The following LIN28B variants were observed in gnomAD, a reference collection of about 807,000 sequenced individuals.
LIN28B encodes lin-28 RNA binding posttranscriptional regulator B, also known as protein lin-28 homolog B.
LIN28B carries 5 observed loss-of-function variants against 21.9 expected under a neutral mutation model. The observed-to-expected ratio is 0.23, with a 90% CI of 0.12 to 0.48. LIN28B has a LOEUF of 0.48. Among genes scored for constraint, LIN28B ranks in the 20% least tolerant of loss-of-function variants. The pLI, the probability that LIN28B is intolerant of heterozygous loss-of-function variation, is 0.98. For missense variants in LIN28B, 245 were observed against 310.5 expected, an observed-to-expected ratio of 0.79 and a Z score of 1.58; for synonymous variants, 109 against 111.3, an observed-to-expected ratio of 0.98 and a Z score of 0.13.
chr6:104,941,212 A>C (rs1421503510), intron 2 of LIN28B: 2 of 152,232 alleles, frequency 1.3e-5, no homozygotes, highest in Non-Finnish European at 2.9e-5. Context: ...CAGGTCTCGC[A>C]GCAAGTTGCG....
rs768554739 is a variant in LIN28B, at chr6:105,078,817, G to C, written c.*34G>C. 1 of 1,584,690 alleles carries C rather than the reference G, an allele frequency of 6.3e-7. No individual in the cohort carries two copies. The highest frequency in any genetic ancestry group is 1.4e-5 in the African/African-American group (1 of 73,972). On this transcript the variant is annotated 3_prime_UTR_variant, in exon 4 of 4. Transcript: ENST00000345080. ...CTTCATATGTTCTTTCCTTTACCCG[G>C]TTGCAAAGTCTACCTCATGCAAGTA...
rs2079116137 is a variant in LIN28B, at chr6:105,079,470, T to C, written c.*687T>C. Reference sequence around the variant, plus strand: ...TGACTGCCATAAGCTTTTTTGATTCTGGGATAACATAACTCCAGAAAAGAC... The same window carrying C: ...TGACTGCCATAAGCTTTTTTGATTCCGGGATAACATAACTCCAGAAAAGAC... On this transcript the variant is annotated 3_prime_UTR_variant, in exon 4 of 4. Transcript: ENST00000345080. 1 of 152,638 alleles carries C rather than the reference T, an allele frequency of 6.6e-6. No individual in the cohort carries two copies. Among genetic ancestry groups the C allele is most frequent in the African/African-American group, 2.4e-5 (1 of 41,460 alleles). The allele number at this position is 152,638 out of a possible 1,614,324, so 9.5% of individuals were successfully genotyped here.
Position 104,951,833 on chromosome 6 carries a change from G to A in LIN28B, c.67+1324G>A, listed in dbSNP as rs536075248. ...AGAGAAGTTTAGTGATTAGCCCAAG[G>A]CCACAGATTGGTAAATAGGACCAGA... On this transcript the variant is annotated intron_variant, in intron 3 of 5. Transcript: ENST00000635857. Among the ~76,000 whole-genome samples the A allele has an allele frequency of 3.3e-5, 5 of 152,274 alleles. No homozygotes were observed. The East Asian group carries it at 9.6e-4, about 29-fold the overall frequency.
rs1562117348 is a variant in LIN28B at position 105,079,715 on chromosome 6, A to G, written c.*932A>G. ...CCTTGGCTAACTCAATCTTCTACCCATTGCTTAGAGCAGGGAGCCCTCCTT... is the reference window on the plus strand; with the variant it reads ...CCTTGGCTAACTCAATCTTCTACCCGTTGCTTAGAGCAGGGAGCCCTCCTT... On this transcript the variant is annotated 3_prime_UTR_variant, in exon 4 of 4. Coordinates refer to ENST00000345080, the MANE Select transcript of LIN28B (RefSeq NM_001004317.4). The G allele has an allele frequency of 6.6e-6, 1 of 152,362 alleles. No homozygotes were observed. Among genetic ancestry groups the G allele is most frequent in the Non-Finnish European group, 1.5e-5 (1 of 68,034 alleles). 9.4% of individuals were successfully genotyped at this position (152,362 alleles called of 1,614,324 possible).
chr6:104,989,253 T>C (rs1770409825), intron 2 of LIN28B, among the ~76,000 whole-genome samples: 1 of 152,104 alleles, frequency 6.6e-6, no homozygotes, highest in Non-Finnish European at 1.5e-5. Context: ...TGAGACAGAG[T>C]ATCTCTCTGT....
At chr6:104,990,323 CTAGT>C (rs1170783038) in intron 2 of LIN28B, among the ~76,000 whole-genome samples, 1 of 151,582 alleles carries the variant, frequency 6.6e-6, no homozygotes, top group Non-Finnish European at 1.5e-5. Context: ...TTAGGTTAAG[CTAGT>C]TAGTCATATT....
chr6:104,996,825 A>G (rs1770615197), intron 2 of LIN28B, among the ~76,000 whole-genome samples: 2 of 152,260 alleles, frequency 1.3e-5, no homozygotes, highest in South Asian at 4.2e-4. Context: ...TTTCTTAAAA[A>G]TGTTTGTCCA....
At chr6:104,959,258 G>A (rs1040376784) in intron 2 of LIN28B, among the ~76,000 whole-genome samples, 4 of 152,114 alleles carry the variant, frequency 2.6e-5, no homozygotes, top group Non-Finnish European at 5.9e-5. Context: ...AGAGGTTTAC[G>A]ACTAAAGAGG....
intron 2 of LIN28B, among the ~76,000 whole-genome samples, chr6:104,997,172 T>C (rs1770622757): frequency 6.6e-6 from 1 of 151,288 alleles, no homozygotes; most frequent in African/African-American, 2.4e-5. Flanking sequence ...TCCCAGCTAC[T>C]CGGGAGGCTG....
At chr6:104,972,585 G>C (rs1770002503) in intron 2 of LIN28B, among the ~76,000 whole-genome samples, 1 of 152,120 alleles carries the variant, frequency 6.6e-6, no homozygotes, top group African/African-American at 2.4e-5. Flanking sequence ...ACCATTAGAT[G>C]TGTTGCTACT....
chr6:105,007,106 T>G (rs1223530037), intron 2 of LIN28B, among the ~76,000 whole-genome samples: 6 of 152,206 alleles, frequency 3.9e-5, no homozygotes, highest in African/African-American at 1.4e-4. Context: ...ATTATATGGC[T>G]GTAATACTTG....
chr6:104,950,946 TATC>T (rs1778213957), intron 3 of LIN28B, among the ~76,000 whole-genome samples: 4 of 152,332 alleles, frequency 2.6e-5, no homozygotes, highest in African/African-American at 9.6e-5. Context: ...TAAAATAATT[TATC>T]ATAACAGAAA....
chr6:105,001,576 A>G (rs537666024), intron 2 of LIN28B, among the ~76,000 whole-genome samples: 2 of 152,330 alleles, frequency 1.3e-5, no homozygotes, highest in East Asian at 3.9e-4. Context: ...TATCAGGAAT[A>G]AAAATATTAC....
At chr6:105,067,684 A>G (rs1772246111) in intron 3 of LIN28B, among the ~76,000 whole-genome samples, 1 of 152,224 alleles carries the variant, frequency 6.6e-6, no homozygotes, top group African/African-American at 2.4e-5. Flanking sequence ...CTTATGACCT[A>G]GAATTCATTA....
chr6:105,008,503 G>A (rs1770860786), intron 2 of LIN28B, among the ~76,000 whole-genome samples: 1 of 151,994 alleles, frequency 6.6e-6, no homozygotes, highest in Non-Finnish European at 1.5e-5. Context: ...AATTAGCTGG[G>A]CGTGGTGGCG....
chr6:104,983,795 C>CA (rs758772845), intron 2 of LIN28B, among the ~76,000 whole-genome samples: 14 of 152,128 alleles, frequency 9.2e-5, no homozygotes, highest in Non-Finnish European at 1.5e-4. Context: ...AGGCTGGTCT[C>CA]AAACTCCTGA....
chr6:105,061,770 T>C (rs1217448546), intron 3 of LIN28B, among the ~76,000 whole-genome samples: 3 of 152,200 alleles, frequency 2.0e-5, no homozygotes, highest in Non-Finnish European at 4.4e-5. Flanking sequence ...GGTTTTATCA[T>C]GGACCACCAT....
intron 3 of LIN28B, among the ~76,000 whole-genome samples, chr6:105,049,938 G>A (rs1205143128): frequency 6.6e-6 from 1 of 152,094 alleles, no homozygotes; most frequent in African/African-American, 2.4e-5. Context: ...ACACTGATGG[G>A]TCTTGACTTT....
chr6:104,958,519 C>T (rs1238253601), intron 2 of LIN28B, among the ~76,000 whole-genome samples: 2 of 152,106 alleles, frequency 1.3e-5, no homozygotes. Flanking sequence ...TTAAGGTTGA[C>T]GTTATTAGCA....
Sources: gnomAD v4.1 joint callset for allele counts (sites outside exome capture counted in the v4.1 genomes callset) on GRCh38, gnomAD v4.1.1 for gene constraint, MANE v1.5 for transcripts, NCBI Gene and HGNC (gene_info 2026-07-23, HGNC 2026-07-21) for gene names.